EPS8L1: variants seen among roughly 807,000 people sequenced by gnomAD.
EPS8L1 encodes EPS8 signaling adaptor L1.
A neutral mutation model predicts 91.7 loss-of-function variants in EPS8L1; 101 were observed. That is an observed-to-expected ratio of 1.10 (90% CI 0.94 to 1.30). The LOEUF is 1.30. EPS8L1 is among the 50% of genes most tolerant of loss of function. EPS8L1 has a pLI of 0.00. For missense variants in EPS8L1, 1,114 were observed against 1,017.0 expected, an observed-to-expected ratio of 1.10 and a Z score of -1.30; for synonymous variants, 506 against 445.3, an observed-to-expected ratio of 1.14 and a Z score of -1.72.
In EPS8L1 at chr19:55,081,102, C is replaced by T; in HGVS notation, c.513-129C>T. The T allele has an allele frequency of 4.2e-6, 5 of 1,201,550 alleles. No homozygotes were observed. The highest frequency in any genetic ancestry group is 5.6e-6 in the Non-Finnish European group (5 of 888,756). 74.4% of individuals were successfully genotyped at this position (1,201,550 alleles called of 1,614,324 possible). A position where few individuals can be genotyped will look rare whatever the true frequency, so the allele number is the denominator to read the frequency against. On this transcript the variant is annotated intron_variant, in intron 7 of 19. Coordinates refer to ENST00000201647, the MANE Select transcript of EPS8L1 (RefSeq NM_133180.3). This position sits in a 1 kb window ranked among gnomAD's most constrained non-coding sequence, Gnocchi z 4.9. Reference sequence around the variant, plus strand: ...TATCCCTCCGTATATCGGATTTCTCCCTACCTCGTTGAACTTGTTCACTCC... The same window carrying T: ...TATCCCTCCGTATATCGGATTTCTCTCTACCTCGTTGAACTTGTTCACTCC...
intron 3 of EPS8L1, among the ~76,000 whole-genome samples, 169 bp downstream of exon 3, chr19:55,078,297 G>C (rs28484995): frequency 2.5e-3 from 151 of 61,324 alleles, no homozygotes; most frequent in Middle Eastern, 9.6e-3. Flanking sequence ...GGGCTGGGGG[G>C]CTGGACTCCT....
At chr19:55,082,374 GC>G in intron 11 of EPS8L1, 25 bp downstream of exon 11, 1 of 1,612,504 alleles carries the variant, frequency 6.2e-7, no homozygotes. Context: ...AGGCCCTCGG[GC>G]CCCCCTGCAG....
chr19:55,085,807 C>A (rs1228683522), intron 14 of EPS8L1, 34 bp from the exon 15 acceptor site: 2 of 1,597,224 alleles, frequency 1.3e-6, no homozygotes, highest in Middle Eastern at 3.4e-4. Context: ...GGGCTGGCTG[C>A]CTCCTTATCT....
At position 55,081,499 on chromosome 19, in the gene EPS8L1, C is replaced by T. The variant is rs1329144103; in HGVS notation, c.774+7C>T. ...GCAGGCGGAGCGGGAAGTGGTGAGC[C>T]GCTAAGGAAGGGGTCTGGGGGCAGG... On this transcript the variant is annotated splice_region_variant and intron_variant, in intron 8 of 19. Coordinates refer to ENST00000201647, the MANE Select transcript of EPS8L1 (RefSeq NM_133180.3). The surrounding 1 kb of genome is among the most constrained non-coding windows in gnomAD (Gnocchi z 4.9). 6 of 1,571,512 alleles carry T rather than the reference C, an allele frequency of 3.8e-6. No individual in the cohort carries two copies. The Admixed American group carries it at 5.4e-5, about 14-fold the overall frequency.
intron 2 of EPS8L1, among the ~76,000 whole-genome samples, chr19:55,077,652 G>C (rs1407211982): frequency 1.5e-5 from 2 of 133,092 alleles, no homozygotes; most frequent in African/African-American, 2.8e-5. Flanking sequence ...GCAGTGGCAC[G>C]ATCTGGACTC....
At chr19:55,085,096 C>T (rs1602954188) in intron 14 of EPS8L1, among the ~76,000 whole-genome samples, 1 of 152,156 alleles carries the variant, frequency 6.6e-6, no homozygotes, top group Admixed American at 6.5e-5. Flanking sequence ...TTCTACCAAC[C>T]GTTGTCATAA....
chr19:55,083,231 C>T lies in EPS8L1; in HGVS notation c.1215-147C>T, dbSNP rs139690514. 374 of 1,079,636 alleles carry T rather than the reference C, an allele frequency of 3.5e-4. No individual in the cohort carries two copies. In the African/African-American group the frequency reaches 4.6e-3, roughly 13 times the overall value. 66.9% of individuals were successfully genotyped at this position (1,079,636 alleles called of 1,614,324 possible). A position where few individuals can be genotyped will look rare whatever the true frequency, so the allele number is the denominator to read the frequency against. ...AATTGCTGTTGAGTTGGGCTTAGAG[C>T]TACCGGCAGGACTTGGTGAAAAGTG... is the stretch of plus-strand genomic sequence containing the variant. On this transcript the variant is annotated intron_variant, in intron 12 of 19. Transcript: ENST00000201647. This position sits in a 1 kb window ranked among gnomAD's most constrained non-coding sequence, Gnocchi z 4.7.
In EPS8L1 at chr19:55,086,495, A is replaced by ACCC; in HGVS notation, c.1755_1756insCCC (p.Asn585_Gly586insPro). ...CGCTGGGACAGCTGCGATAGCCTCA[A>ACCC]CGGCTTGGACCCCAGCGAGAAGGGT... On this transcript the variant is annotated inframe_insertion, in exon 17 of 20. Coordinates refer to ENST00000201647, the MANE Select transcript of EPS8L1 (RefSeq NM_133180.3). 3 of 1,551,408 alleles carry ACCC rather than the reference A, an allele frequency of 1.9e-6. No individual in the cohort carries two copies. The highest frequency in any genetic ancestry group is 2.6e-6 in the Non-Finnish European group (3 of 1,146,952).
chr19:55,077,813 T>C, intron 2 of EPS8L1, among the ~76,000 whole-genome samples: 1 of 151,134 alleles, frequency 6.6e-6, no homozygotes, highest in Non-Finnish European at 1.5e-5. Flanking sequence ...GGTCTCAATC[T>C]CTTGACTTTG....
intron 6 of EPS8L1, 27 bp from the exon 7 acceptor site, chr19:55,080,745 G>C: frequency 3.7e-6 from 6 of 1,606,394 alleles, no homozygotes; most frequent in Non-Finnish European, 5.1e-6. Flanking sequence ...GGCGTGGGGA[G>C]GCGTGGCCTG....
chr19:55,081,148 T>C lies in EPS8L1; in HGVS notation c.513-83T>C, dbSNP rs1422756236. Reference sequence around the variant, plus strand: ...ACTCCCTTTGAGCCTTTTGAGCCTGTGTGTCTCGTTCTGCGCCCTGGATTT... The same window carrying C: ...ACTCCCTTTGAGCCTTTTGAGCCTGCGTGTCTCGTTCTGCGCCCTGGATTT... On this transcript the variant is annotated intron_variant, in intron 7 of 19. Transcript: ENST00000201647. This position sits in a 1 kb window ranked among gnomAD's most constrained non-coding sequence, Gnocchi z 4.9. The C allele has an allele frequency of 2.1e-6, 3 of 1,417,082 alleles. No homozygotes were observed. The highest frequency in any genetic ancestry group is 5.0e-5 in the East Asian group (2 of 39,702). The allele number at this position is 1,417,082 out of a possible 1,614,324, so 87.8% of individuals were successfully genotyped here. A position where few individuals can be genotyped will look rare whatever the true frequency, so the allele number is the denominator to read the frequency against.
Position 55,082,276 on chromosome 19 carries a change from C to T in EPS8L1, c.992C>T (p.Ala331Val). Residue 331 changes from alanine to valine, a missense_variant and splice_region_variant, in exon 11 of 20, where the codon GCC (alanine) becomes GTC (valine). By Grantham distance (64) the Ala-to-Val change is moderately conservative (BLOSUM62 0). Coordinates refer to ENST00000201647, the MANE Select transcript of EPS8L1 (RefSeq NM_133180.3). ...ACCACCTCCCTCCCCACGCCCCAGGCCCGGCTGCGCGGCAACATCGCCGAC... is the reference window on the plus strand; with the variant it reads ...ACCACCTCCCTCCCCACGCCCCAGGTCCGGCTGCGCGGCAACATCGCCGAC... ...QKIKYAFSLL[A>V]RLRGNIADPS... 6.2e-7 allele frequency: 1 copy of T among 1,611,574 alleles called. No homozygotes were observed. Among genetic ancestry groups the T allele is most frequent in the Non-Finnish European group, 8.5e-7 (1 of 1,179,334 alleles).
Position 55,083,681 on chromosome 19 carries a change from G to A in EPS8L1, c.1385+37G>A, listed in dbSNP as rs2076321524. 6 of 1,580,292 alleles carry A rather than the reference G, an allele frequency of 3.8e-6. No individual in the cohort carries two copies. The highest frequency in any genetic ancestry group is 5.2e-6 in the Non-Finnish European group (6 of 1,163,292). On this transcript the variant is annotated intron_variant, in intron 14 of 19. Transcript: ENST00000201647. This position sits in a 1 kb window ranked among gnomAD's most constrained non-coding sequence, Gnocchi z 4.7. ...CCCCAGGGCAGGGCAAGGGGGTCAA[G>A]GAGGGGTGCGTCCCGGGGGCTCCCG...
chr19:55,081,802 A>G lies in EPS8L1; in HGVS notation c.804A>G (p.Val268=). Residue 268 remains valine (V), a synonymous_variant, in exon 9 of 20, where the codon GTA becomes GTG. Coordinates refer to ENST00000201647, the MANE Select transcript of EPS8L1 (RefSeq NM_133180.3). This position sits in a 1 kb window ranked among gnomAD's most constrained non-coding sequence, Gnocchi z 4.9. ...TCCTGAACCACGTGTTCGACGACGT[A>G]GAGAGCTTTGTATCGAGGCTGCAGA... The part of the protein sequence containing the change: ...VDILNHVFDD[V]ESFVSRLQKS... The G allele has an allele frequency of 6.2e-7, 1 of 1,611,924 alleles. No homozygotes were observed.
chr19:55,078,900 A>C, intron 3 of EPS8L1, 99 bp from the exon 4 acceptor site: 7 of 763,406 alleles, frequency 9.2e-6, no homozygotes, highest in East Asian at 1.1e-4. Flanking sequence ...CTGGACTCCT[A>C]GGTTTGAGGG....
Position 55,076,853 on chromosome 19 carries a change from C to G in EPS8L1, c.17+392C>G, listed in dbSNP as rs146145129. On this transcript the variant is annotated intron_variant, in intron 2 of 19. Transcript: ENST00000201647. ...GCTCAACTCATAGGAGTCGCTATTG[C>G]GATTGTTATGTTGTTAGTAAATATT... Among the ~76,000 whole-genome samples the G allele has an allele frequency of 1.9e-3, 290 of 152,298 alleles. 3 individuals are homozygous for G. The highest frequency in any genetic ancestry group is 6.6e-3 in the African/African-American group (275 of 41,542).
In EPS8L1 at chr19:55,087,779, C is replaced by T; in HGVS notation, c.*165C>T. 1 of 729,414 alleles carries T rather than the reference C, an allele frequency of 1.4e-6. No homozygotes were observed. Among genetic ancestry groups the T allele is most frequent in the Non-Finnish European group, 2.3e-6 (1 of 428,626 alleles). The allele number at this position is 729,414 out of a possible 1,614,324, so 45.2% of individuals were successfully genotyped here. On this transcript the variant is annotated 3_prime_UTR_variant, in exon 20 of 20. Transcript: ENST00000201647. ...GACTTAACGATCCTTGCTGCAGTCCCTCCGGAGAGGATCTGGACTGGCTGG... is the reference window on the plus strand; with the variant it reads ...GACTTAACGATCCTTGCTGCAGTCCTTCCGGAGAGGATCTGGACTGGCTGG...
chr19:55,077,379 C>A (rs960723648), intron 2 of EPS8L1, among the ~76,000 whole-genome samples: 1 of 152,096 alleles, frequency 6.6e-6, no homozygotes, highest in Admixed American at 6.6e-5. Context: ...AAATACTTCA[C>A]CTGCATCATC....
rs757501052 is a variant in EPS8L1 at position 55,081,332 on chromosome 19, G to A, written c.614G>A (p.Arg205Gln). The A allele has an allele frequency of 3.2e-6, 5 of 1,557,372 alleles. No homozygotes were observed. The highest frequency in any genetic ancestry group is 1.4e-5 in the African/African-American group (1 of 74,068). The change falls in exon 8 of 20, where the codon CGG (arginine) becomes CAG (glutamine). Residue 205 changes from arginine to glutamine, a missense_variant. By Grantham distance (43) the Arg-to-Gln change is conservative. Coordinates refer to ENST00000201647, the MANE Select transcript of EPS8L1 (RefSeq NM_133180.3). This position sits in a 1 kb window ranked among gnomAD's most constrained non-coding sequence, Gnocchi z 4.9. ...CGCGCAGTGATCAGCACCGTAGAGC[G>A]GGGCGCGGGCCGCGGACGACCCCAG... is the stretch of plus-strand genomic sequence containing the variant. The part of the protein sequence containing the change: ...SVRAVISTVE[R>Q]GAGRGRPQAK...
Sources: gnomAD v4.1 joint callset for allele counts (sites outside exome capture counted in the v4.1 genomes callset) on GRCh38, gnomAD v4.1.1 for gene constraint, Gnocchi (gnomAD v3.1) non-coding constraint, MANE v1.5 for transcripts, NCBI Gene and HGNC (gene_info 2026-07-23, HGNC 2026-07-21) for gene names.